The following TENM4 variants were observed in gnomAD, a reference collection of about 807,000 sequenced individuals.
TENM4 encodes the protein teneurin-4.
TENM4 carries 82 observed loss-of-function variants against 243.3 expected under a neutral mutation model. The observed-to-expected ratio is 0.34, with a 90% CI of 0.28 to 0.40. The LOEUF is 0.40. Ranked by LOEUF, TENM4 falls within the 10% of genes least tolerant of loss-of-function variation. The pLI, the probability that TENM4 is intolerant of heterozygous loss-of-function variation, is 1.00. For missense variants in TENM4, 3,138 were observed against 3,673.3 expected (o/e 0.85, Z 3.77); for synonymous variants, 1,412 against 1,456.3 (o/e 0.97, Z 0.69).
chr11:79,361,571 A>G (rs1265019430), intron 1 of TENM4, among the ~76,000 whole-genome samples: 1 of 152,102 alleles, frequency 6.6e-6, no homozygotes, highest in Non-Finnish European at 1.5e-5. Context: ...GTCCTTATCC[A>G]CACCTTTGTA....
intron 6 of TENM4, among the ~76,000 whole-genome samples, chr11:78,985,495 C>T (rs1020198448): frequency 6.6e-6 from 1 of 152,066 alleles, no homozygotes; most frequent in South Asian, 2.1e-4. Flanking sequence ...AGTTTAAAGC[C>T]ATTTTGATAT....
chr11:78,796,863 C>T (rs1857171513), intron 15 of TENM4, among the ~76,000 whole-genome samples: 1 of 152,340 alleles, frequency 6.6e-6, no homozygotes, highest in Middle Eastern at 3.4e-3. Context: ...CTTGCCTCTT[C>T]CTTTTATCAC....
At chr11:78,721,376 T>C (rs1389702541) in intron 24 of TENM4, among the ~76,000 whole-genome samples, 2 of 152,224 alleles carry the variant, frequency 1.3e-5, no homozygotes, top group Non-Finnish European at 2.9e-5. Context: ...TCTTTAGGGC[T>C]TATGGCTGTT....
At chr11:78,886,025 T>G (rs1855540680) in intron 9 of TENM4, among the ~76,000 whole-genome samples, 1 of 152,196 alleles carries the variant, frequency 6.6e-6, no homozygotes, top group Non-Finnish European at 1.5e-5. Context: ...AAAGAAAAAC[T>G]ATTTTCCACC....
At chr11:79,040,823 ATC>A (rs1859504318) in intron 6 of TENM4, among the ~76,000 whole-genome samples, 1 of 152,148 alleles carries the variant, frequency 6.6e-6, no homozygotes, top group Non-Finnish European at 1.5e-5. Context: ...AGGTGATCAA[ATC>A]TCAATGTGCA....
intron 12 of TENM4, among the ~76,000 whole-genome samples, chr11:78,853,730 A>C (rs1858602421): frequency 1.3e-5 from 2 of 152,216 alleles, no homozygotes; most frequent in Non-Finnish European, 2.9e-5. Context: ...CCCAAACCAC[A>C]AATCAGTGAG....
chr11:79,309,271 C>T (rs980257873), intron 1 of TENM4, among the ~76,000 whole-genome samples: 6 of 152,160 alleles, frequency 3.9e-5, no homozygotes, highest in Admixed American at 1.3e-4. Flanking sequence ...GTTTGCAGCC[C>T]CTTGGGTTTA....
intron 6 of TENM4, among the ~76,000 whole-genome samples, chr11:78,983,885 A>AC (rs1857861509): frequency 6.6e-6 from 1 of 152,222 alleles, no homozygotes; most frequent in African/African-American, 2.4e-5. Context: ...TGTGACCTTG[A>AC]GCAAATCACT....
intron 1 of TENM4, among the ~76,000 whole-genome samples, chr11:79,415,388 T>C (rs994982044): frequency 1.4e-4 from 22 of 152,240 alleles, no homozygotes; most frequent in Admixed American, 1.1e-3. Context: ...GGTATTTAAG[T>C]ATTCCGCATA....
intron 6 of TENM4, among the ~76,000 whole-genome samples, chr11:79,058,571 A>T (rs11820582): frequency 0.046 from 7,029 of 151,932 alleles, 573 homozygotes; most frequent in African/African-American, 0.16. Context: ...AAAAAGGATA[A>T]TGGACACTGT....
At chr11:78,771,826 C>G (rs913964727) in intron 17 of TENM4, among the ~76,000 whole-genome samples, 1 of 152,218 alleles carries the variant, frequency 6.6e-6, no homozygotes, top group Admixed American at 6.5e-5. Flanking sequence ...CTAGGGCTGT[C>G]TGTGAGTGCA....
rs138694650 is a variant in TENM4 at position 79,030,757 on chromosome 11, G to A, written c.493+33981C>T. Among the ~76,000 whole-genome samples the A allele has an allele frequency of 2.7e-3, 405 of 152,158 alleles. 3 individuals are homozygous for A. Among genetic ancestry groups the A allele is most frequent in the Admixed American group, 5.8e-3 (88 of 15,286 alleles). On this transcript the variant is annotated intron_variant, in intron 6 of 33. Coordinates refer to ENST00000278550, the MANE Select transcript of TENM4 (RefSeq NM_001098816.3). ...CAGCCGACTCCTGTCAAACAGCCTC[G>A]GCAGACCTCCTTAAACGACAGTAAT...
Position 78,756,884 on chromosome 11 carries a change from A to G in TENM4, c.2677T>C (p.Ser893Pro), listed in dbSNP as rs188166086. ...AGGAACTTGATGCGGTCATAGAAGG[A>G]GTGTAGGTTCTGCTGTGACACAGGG... is the stretch of plus-strand genomic sequence containing the variant. ...QVPVSQQNLH[S>P]FYDRIKFLVG... The change falls in exon 19 of 34, where the codon TCC becomes CCC. Residue 893 changes from serine to proline, a missense_variant. This residue lies in a region of TENM4 where 2,467 missense variants were observed against 3,059.1 expected (regional missense o/e 0.81). Coordinates refer to ENST00000278550, the MANE Select transcript of TENM4 (RefSeq NM_001098816.3). The G allele has an allele frequency of 9.3e-6, 15 of 1,613,780 alleles. 1 individual carries two copies. In the African/African-American group the frequency reaches 1.6e-4, roughly 17 times the overall value.
chr11:79,295,858 GTT>G (rs59506832), intron 2 of TENM4, among the ~76,000 whole-genome samples: 3,321 of 146,066 alleles, frequency 0.023, 147 homozygotes, highest in African/African-American at 0.075. Context: ...ACCCGTAAGT[GTT>G]TTTTTTTTTT....
At chr11:79,096,069 T>C (rs1427142534) in intron 4 of TENM4, 1 of 152,086 alleles carries the variant, frequency 6.6e-6, no homozygotes, top group Non-Finnish European at 1.5e-5. Flanking sequence ...GATACTAGAG[T>C]CAGAGCCTGG....
At chr11:79,298,000 A>G (rs1590860838) in intron 1 of TENM4, among the ~76,000 whole-genome samples, 1 of 151,716 alleles carries the variant, frequency 6.6e-6, no homozygotes, top group South Asian at 2.1e-4. Context: ...GATATCCCAT[A>G]TTAAAAAGCA....
intron 24 of TENM4, among the ~76,000 whole-genome samples, chr11:78,721,981 G>A (rs112575215): frequency 4.6e-5 from 7 of 152,156 alleles, no homozygotes; most frequent in Admixed American, 3.3e-4. Context: ...AGCTCTAAGC[G>A]TGGCTGTGCT....
intron 18 of TENM4, among the ~76,000 whole-genome samples, chr11:78,762,791 A>G (rs185884238): frequency 5.6e-4 from 84 of 150,264 alleles, no homozygotes; most frequent in African/African-American, 2.0e-3. Flanking sequence ...GGCCTGAAAC[A>G]GTGCATATGG....
intron 1 of TENM4, among the ~76,000 whole-genome samples, chr11:79,391,564 C>T (rs1198246794): frequency 6.6e-6 from 1 of 152,206 alleles, no homozygotes; most frequent in African/African-American, 2.4e-5. Flanking sequence ...TCAATCCTGA[C>T]ACTCAAAAAA....
Sources: gnomAD v4.1 joint callset for allele counts (sites outside exome capture counted in the v4.1 genomes callset) on GRCh38, gnomAD v4.1.1 for gene constraint, gnomAD v4.1.1 regional missense constraint, MANE v1.5 for transcripts, NCBI Gene and HGNC (gene_info 2026-07-23, HGNC 2026-07-21) for gene names.